Variants in FIGN observed in about 807,000 individuals in gnomAD.
The protein encoded by FIGN is fidgetin, microtubule severing factor, also known as fidgetin.
Under a neutral mutation model 51.3 loss-of-function variants are expected in FIGN, and 11 were observed. The ratio of observed to expected loss-of-function variants is 0.21; its 90% CI spans 0.13 to 0.35. The LOEUF (loss-of-function observed/expected upper bound fraction) is 0.35, where lower values mean the gene tolerates loss of function less well. FIGN is among the 10% of genes least tolerant of loss of function. The pLI is 1.00. For synonymous variants in FIGN, 407 were observed against 363.2 expected (o/e 1.12, Z -1.37); for missense variants, 857 against 943.6 (o/e 0.91, Z 1.20).
chr2:163,648,170 C>T (rs988154460), intron 2 of FIGN, among the ~76,000 whole-genome samples: 1 of 152,096 alleles, frequency 6.6e-6, no homozygotes, highest in African/African-American at 2.4e-5. Context: ...CCTGCACCCC[C>T]ACCCTTCCAC....
rs553499051 is a variant in FIGN, at chr2:163,734,135, A to G, written c.25+768T>C. On this transcript the variant is annotated intron_variant, in intron 2 of 2. Coordinates refer to ENST00000333129, the MANE Select transcript of FIGN (RefSeq NM_018086.4). ...ACTGACTTTTTTTTTTTGTAAAGAA[A>G]GGAAAGAGCGATTTCAAACGAAGTC... Among the ~76,000 whole-genome samples, 11 of 152,084 alleles carry G rather than the reference A, an allele frequency of 7.2e-5. No homozygotes were observed. The South Asian group carries it at 8.3e-4, about 11-fold the overall frequency.
chr2:163,624,999 T>C (rs1573910952), intron 2 of FIGN, among the ~76,000 whole-genome samples: 1 of 152,140 alleles, frequency 6.6e-6, no homozygotes, highest in East Asian at 1.9e-4. Context: ...TTTTTTTCTA[T>C]TTTAAATATA....
intron 2 of FIGN, among the ~76,000 whole-genome samples, chr2:163,612,766 ATATT>A (rs1407749422): frequency 7.1e-6 from 1 of 140,248 alleles, no homozygotes; most frequent in Admixed American, 7.4e-5. Flanking sequence ...ATATATATAT[ATATT>A]ATATATGAGA....
intron 2 of FIGN, among the ~76,000 whole-genome samples, chr2:163,687,808 A>C (rs1027994661): frequency 2.0e-5 from 3 of 152,198 alleles, no homozygotes; most frequent in African/African-American, 7.2e-5. Context: ...AGAAATAAAA[A>C]TGAACAGTAA....
chr2:163,670,778 A>T (rs1215012862), intron 2 of FIGN, among the ~76,000 whole-genome samples: 1 of 152,188 alleles, frequency 6.6e-6, no homozygotes, highest in African/African-American at 2.4e-5. Flanking sequence ...ATTCTCAGCA[A>T]TTTAATATCT....
At chr2:163,672,251 TAA>T (rs200826431) in intron 2 of FIGN, among the ~76,000 whole-genome samples, 12 of 143,634 alleles carry the variant, frequency 8.4e-5, no homozygotes, top group East Asian at 6.0e-4. Flanking sequence ...TCAATGGCTC[TAA>T]AAAAAAAAAA....
At chr2:163,677,824 C>T (rs1286697340) in intron 2 of FIGN, among the ~76,000 whole-genome samples, 1 of 152,144 alleles carries the variant, frequency 6.6e-6, no homozygotes, top group Non-Finnish European at 1.5e-5. Flanking sequence ...ACATTTTAAC[C>T]TTTCCTATCT....
intron 2 of FIGN, among the ~76,000 whole-genome samples, chr2:163,654,841 C>CA (rs1683534522): frequency 6.6e-6 from 1 of 151,948 alleles, no homozygotes; most frequent in Non-Finnish European, 1.5e-5. Context: ...TATGTACCCA[C>CA]AGAAATTAAA....
At chr2:163,643,650 CAAAA>C (rs60064980) in intron 2 of FIGN, among the ~76,000 whole-genome samples, 1 of 99,362 alleles carries the variant, frequency 1.0e-5, no homozygotes. Context: ...GACTCAGTCT[CAAAA>C]AAAAAAAAAA....
chr2:163,716,952 A>C (rs996348963), intron 2 of FIGN, among the ~76,000 whole-genome samples: 2 of 152,134 alleles, frequency 1.3e-5, no homozygotes, highest in African/African-American at 4.8e-5. Flanking sequence ...TATCCAGTAC[A>C]TTGCTTTACA....
At chr2:163,659,754 C>G (rs544674835) in intron 2 of FIGN, among the ~76,000 whole-genome samples, 76 of 152,298 alleles carry the variant, frequency 5.0e-4, no homozygotes, top group African/African-American at 1.5e-3. Flanking sequence ...TCAGATGCAA[C>G]TTTTTTCTTC....
At chr2:163,669,035 T>TATATATATATATATATAC (rs1253146995) in intron 2 of FIGN, among the ~76,000 whole-genome samples, 5 of 148,586 alleles carry the variant, frequency 3.4e-5, no homozygotes, top group African/African-American at 9.9e-5. Context: ...TATATATATA[T>TATATATATATATATATAC]ACACTATAAA....
At chr2:163,654,512 A>T (rs1472725415) in intron 2 of FIGN, among the ~76,000 whole-genome samples, 1 of 152,274 alleles carries the variant, frequency 6.6e-6, no homozygotes, top group African/African-American at 2.4e-5. Context: ...CTCTGATCCC[A>T]CTTTCATTCC....
intron 2 of FIGN, among the ~76,000 whole-genome samples, chr2:163,661,829 C>A (rs1008007154): frequency 2.6e-5 from 4 of 152,112 alleles, no homozygotes; most frequent in African/African-American, 9.7e-5. Context: ...GTAAGAAGTG[C>A]CTTTCGCCTC....
chr2:163,674,439 T>C (rs1005149338), intron 2 of FIGN, among the ~76,000 whole-genome samples: 1 of 152,192 alleles, frequency 6.6e-6, no homozygotes, highest in Non-Finnish European at 1.5e-5. Flanking sequence ...GAGTTTTATA[T>C]AGAGAAAAAC....
intron 2 of FIGN, among the ~76,000 whole-genome samples, chr2:163,721,429 G>C (rs75114121): frequency 5.7e-4 from 87 of 152,212 alleles, no homozygotes; most frequent in South Asian, 4.4e-3. Context: ...ATTTAACAAA[G>C]GAACTAAACA....
intron 2 of FIGN, among the ~76,000 whole-genome samples, chr2:163,656,980 G>A (rs1161018733): frequency 6.6e-6 from 1 of 152,052 alleles, no homozygotes; most frequent in African/African-American, 2.4e-5. Context: ...ATGGAAAACA[G>A]ATACATATTG....
chr2:163,700,788 G>A (rs1267015924), intron 2 of FIGN, among the ~76,000 whole-genome samples: 1 of 152,084 alleles, frequency 6.6e-6, no homozygotes, highest in African/African-American at 2.4e-5. Context: ...ACTACTGATG[G>A]CTTTTCCTCT....
intron 2 of FIGN, among the ~76,000 whole-genome samples, chr2:163,631,515 T>G (rs1204659824): frequency 3.9e-5 from 6 of 152,084 alleles, no homozygotes; most frequent in African/African-American, 1.4e-4. Context: ...CTCCTCCAGC[T>G]CCCCTCCCAC....
Sources: allele counts gnomAD v4.1 joint callset (sites outside exome capture counted in the v4.1 genomes callset), GRCh38; gene constraint gnomAD v4.1.1; transcripts MANE v1.5; gene names NCBI Gene and HGNC (gene_info 2026-07-23, HGNC 2026-07-21).